MAPK10: variants seen among roughly 807,000 people sequenced by gnomAD.
MAPK10 encodes JNK3 alpha protein kinase.
Under a neutral mutation model 59.3 loss-of-function variants are expected in MAPK10, and 25 were observed. That is an observed-to-expected ratio of 0.42 (90% CI 0.31 to 0.59). The LOEUF is 0.59. Among genes scored for constraint, MAPK10 ranks in the 20% least tolerant of loss-of-function variants. The pLI is 0.15. For synonymous variants in MAPK10, 190 were observed against 200.5 expected, an observed-to-expected ratio of 0.95 and a Z score of 0.44; for missense variants, 351 against 568.9, an observed-to-expected ratio of 0.62 and a Z score of 3.90.
At chr4:86,351,286 AAT>A (rs1039080642) in intron 2 of MAPK10, among the ~76,000 whole-genome samples, 2 of 151,462 alleles carry the variant, frequency 1.3e-5, no homozygotes, top group African/African-American at 4.9e-5. Flanking sequence ...ACACACACGC[AAT>A]ATATATATGA....
chr4:86,432,574 C>T (rs1312013726), intron 1 of MAPK10, among the ~76,000 whole-genome samples: 1 of 152,190 alleles, frequency 6.6e-6, no homozygotes, highest in Non-Finnish European at 1.5e-5. Flanking sequence ...GCTACCATGC[C>T]CAGCCAGGAT....
chr4:86,172,580 G>A (rs572870092), intron 3 of MAPK10, among the ~76,000 whole-genome samples: 2 of 150,580 alleles, frequency 1.3e-5, no homozygotes, highest in Admixed American at 6.6e-5. Context: ...GTTGTGGGGT[G>A]GGGGGAGTGG....
At chr4:86,333,247 A>G (rs2096198346) in intron 2 of MAPK10, among the ~76,000 whole-genome samples, 1 of 152,230 alleles carries the variant, frequency 6.6e-6, no homozygotes, top group South Asian at 2.1e-4. Flanking sequence ...ATACTCTCAG[A>G]TAATATAACA....
intron 2 of MAPK10, among the ~76,000 whole-genome samples, chr4:86,224,466 A>C (rs750279258): frequency 1.6e-4 from 25 of 152,216 alleles, no homozygotes; most frequent in Non-Finnish European, 2.9e-4. Context: ...TTCCAGGTAG[A>C]GGGACTAGCA....
intron 1 of MAPK10, among the ~76,000 whole-genome samples, chr4:86,532,367 G>A (rs1039955065): frequency 2.0e-5 from 3 of 152,128 alleles, no homozygotes; most frequent in Non-Finnish European, 2.9e-5. Flanking sequence ...CAAAGGAAAA[G>A]ATAAACATTT....
At chr4:86,311,575 A>C (rs1011628416) in intron 2 of MAPK10, among the ~76,000 whole-genome samples, 5 of 152,140 alleles carry the variant, frequency 3.3e-5, no homozygotes, top group Non-Finnish European at 5.9e-5. Flanking sequence ...CCCTTTGCAG[A>C]AATAGTCTAC....
At position 86,159,421 on chromosome 4, in the gene MAPK10, T is replaced by C; in HGVS notation, c.113A>G (p.Asn38Ser). The change falls in exon 4 of 14, where the codon AAC becomes AGC. Residue 38 changes from asparagine to serine, a missense_variant. This residue lies in a region of MAPK10 where 61 missense variants were observed against 58.4 expected (regional missense o/e 1.05). Transcript: ENST00000641462. ...VDVSYIAKHYNMSKSKVDNQF... is the reference protein window; with the variant it reads ...VDVSYIAKHYSMSKSKVDNQF... ...GTTGTCAACTTTGCTTTTGCTCATGTTGTAATGTTTGGCAATATATGACAC... is the reference window on the plus strand; with the variant it reads ...GTTGTCAACTTTGCTTTTGCTCATGCTGTAATGTTTGGCAATATATGACAC... 1 of 1,612,508 alleles carries C rather than the reference T, an allele frequency of 6.2e-7. No homozygotes were observed. Among genetic ancestry groups the C allele is most frequent in the East Asian group, 2.2e-5 (1 of 44,840 alleles).
In MAPK10 at chr4:86,212,512, C is replaced by A. The variant is rs1022717757; in HGVS notation, c.-6-18105G>T. Reference sequence around the variant, plus strand: ...CTCCAGCCTGGGCAACAAAGTGAGACCCTGTCTTGAAAACAAACTAAAAAG... The same window carrying A: ...CTCCAGCCTGGGCAACAAAGTGAGAACCTGTCTTGAAAACAAACTAAAAAG... On this transcript the variant is annotated intron_variant, in intron 2 of 13. Transcript: ENST00000641462. Among the ~76,000 whole-genome samples the A allele has an allele frequency of 7.2e-5, 11 of 152,180 alleles. No individual in the cohort carries two copies. In the South Asian group the frequency reaches 1.2e-3, roughly 17 times the overall value.
At chr4:86,256,310 T>C (rs1043460683) in intron 2 of MAPK10, among the ~76,000 whole-genome samples, 1 of 152,166 alleles carries the variant, frequency 6.6e-6, no homozygotes, top group Non-Finnish European at 1.5e-5. Flanking sequence ...ATCCTTAAAA[T>C]TGGCCTACTC....
At chr4:86,581,085 G>A (rs1047389701) in intron 1 of MAPK10, among the ~76,000 whole-genome samples, 2 of 151,992 alleles carry the variant, frequency 1.3e-5, no homozygotes, top group Admixed American at 6.6e-5. Context: ...TATCTTTTGG[G>A]TACATATTAA....
At chr4:86,569,470 A>T (rs1430734132) in intron 1 of MAPK10, among the ~76,000 whole-genome samples, 1 of 152,100 alleles carries the variant, frequency 6.6e-6, no homozygotes, top group Non-Finnish European at 1.5e-5. Context: ...AAGAAAATTA[A>T]ATCGTATTTT....
At chr4:86,243,600 T>C (rs905216862) in intron 2 of MAPK10, among the ~76,000 whole-genome samples, 8 of 152,144 alleles carry the variant, frequency 5.3e-5, no homozygotes, top group Admixed American at 3.9e-4. Context: ...CCCTTGAACA[T>C]GCCCTTTCCT....
intron 2 of MAPK10, among the ~76,000 whole-genome samples, chr4:86,258,046 T>C (rs1017994748): frequency 1.3e-5 from 2 of 152,178 alleles, no homozygotes; most frequent in South Asian, 2.1e-4. Flanking sequence ...ATCGTGAAGA[T>C]GAATGATATG....
chr4:86,484,031 G>A (rs1406053942), intron 1 of MAPK10, among the ~76,000 whole-genome samples: 1 of 152,094 alleles, frequency 6.6e-6, no homozygotes, highest in Non-Finnish European at 1.5e-5. Context: ...TGCACTTCAG[G>A]GGAGCCACAG....
At chr4:86,285,767 C>T (rs2094982947) in intron 2 of MAPK10, among the ~76,000 whole-genome samples, 1 of 152,190 alleles carries the variant, frequency 6.6e-6, no homozygotes, top group Non-Finnish European at 1.5e-5. Context: ...CCATGATCTG[C>T]CTTCTGCAAA....
At chr4:86,413,474 A>G (rs6829684) in intron 1 of MAPK10, among the ~76,000 whole-genome samples, 28,538 of 152,178 alleles carry the variant, frequency 0.19, 2,775 homozygotes, top group South Asian at 0.28. Context: ...GTCTGCAGAA[A>G]TTTCTGCTGC....
intron 9 of MAPK10, among the ~76,000 whole-genome samples, chr4:86,071,156 T>TTAAA (rs1561291301): frequency 6.6e-6 from 1 of 152,122 alleles, no homozygotes; most frequent in Non-Finnish European, 1.5e-5. Flanking sequence ...TGATGAGCAT[T>TTAAA]TTTTCATGTG....
chr4:86,300,943 G>T (rs2095460748), intron 2 of MAPK10: 1 of 150,936 alleles, frequency 6.6e-6, no homozygotes, highest in Non-Finnish European at 1.5e-5. Flanking sequence ...AGAGGGAACA[G>T]TTCCAAAAAG....
chr4:86,324,328 T>C (rs1212015628), intron 2 of MAPK10, among the ~76,000 whole-genome samples: 2 of 151,988 alleles, frequency 1.3e-5, no homozygotes, highest in African/African-American at 2.4e-5. Flanking sequence ...GGAGAATCAT[T>C]TGAACCCAGG....
Sources: gnomAD v4.1 joint callset for allele counts (sites outside exome capture counted in the v4.1 genomes callset) on GRCh38, gnomAD v4.1.1 for gene constraint, gnomAD v4.1.1 regional missense constraint, MANE v1.5 for transcripts, NCBI Gene and HGNC (gene_info 2026-07-23, HGNC 2026-07-21) for gene names.